The following FREM3 variants were observed in gnomAD, a reference collection of about 807,000 sequenced individuals.
FREM3 encodes the protein FRAS1-related extracellular matrix protein 3.
In FREM3, 105 loss-of-function variants were observed where a neutral mutation model predicts 129.1. That is an observed-to-expected ratio of 0.81 (90% CI 0.69 to 0.96). The LOEUF is 0.96. Ranked by LOEUF, FREM3 falls within the 40% of genes least tolerant of loss-of-function variation. The probability of loss-of-function intolerance (pLI) is 0.00; values close to 1 mark genes in which losing one functional copy is unlikely to be tolerated. For synonymous variants in FREM3, 1,014 were observed against 1,044.9 expected, an observed-to-expected ratio of 0.97 and a Z score of 0.57; for missense variants, 2,593 against 2,666.3, an observed-to-expected ratio of 0.97 and a Z score of 0.61.
intron 2 of FREM3, among the ~76,000 whole-genome samples, chr4:143,673,468 G>T (rs1429904115): frequency 3.3e-5 from 5 of 152,192 alleles, no homozygotes; most frequent in African/African-American, 1.2e-4. Context: ...GTCTCAGAGG[G>T]GTACCCGGCC....
intron 2 of FREM3, among the ~76,000 whole-genome samples, chr4:143,632,660 C>T (rs1413459584): frequency 6.6e-6 from 1 of 152,074 alleles, no homozygotes; most frequent in African/African-American, 2.4e-5. Flanking sequence ...CTTTTGAACT[C>T]CCTGTCCATA....
In FREM3 at chr4:143,627,604, A is replaced by C. The variant is rs1013742214; in HGVS notation, c.5422+10T>G. On this transcript the variant is annotated intron_variant, in intron 3 of 7. Coordinates refer to ENST00000329798, the MANE Select transcript of FREM3 (RefSeq NM_001168235.2). ...GACCTTTTACCAACAACCAATCCAA[A>C]GTTACTTACTGATAAATGATGTTTC... The C allele has an allele frequency of 6.5e-7, 1 of 1,534,056 alleles. No homozygotes were observed. The highest frequency in any genetic ancestry group is 8.7e-7 in the Non-Finnish European group (1 of 1,144,374).
chr4:143,640,298 A>G (rs1364299394), intron 2 of FREM3, among the ~76,000 whole-genome samples: 2 of 152,228 alleles, frequency 1.3e-5, no homozygotes, highest in Non-Finnish European at 1.5e-5. Flanking sequence ...CAGGGGCTTA[A>G]TCAATACCTG....
chr4:143,643,938 A>G (rs1189293401), intron 2 of FREM3, among the ~76,000 whole-genome samples: 1 of 152,244 alleles, frequency 6.6e-6, no homozygotes, highest in Non-Finnish European at 1.5e-5. Flanking sequence ...ATAAATATGT[A>G]CAAGTACAGC....
At chr4:143,592,469 G>A (rs554308120) in intron 6 of FREM3, among the ~76,000 whole-genome samples, 89 of 152,298 alleles carry the variant, frequency 5.8e-4, no homozygotes, top group African/African-American at 2.0e-3. Context: ...TTGCTTGTCT[G>A]TGAAGTATTT....
At chr4:143,652,475 T>TA (rs986586963) in intron 2 of FREM3, among the ~76,000 whole-genome samples, 2 of 151,786 alleles carry the variant, frequency 1.3e-5, no homozygotes, top group Admixed American at 6.6e-5. Flanking sequence ...TTTCCTTTCT[T>TA]AAAAAAAGAG....
At chr4:143,620,261 A>T (rs1374334996) in intron 5 of FREM3, among the ~76,000 whole-genome samples, 1 of 152,174 alleles carries the variant, frequency 6.6e-6, no homozygotes, top group Admixed American at 6.5e-5. Flanking sequence ...CAATCAGGAC[A>T]TACCTGATAC....
intron 2 of FREM3, among the ~76,000 whole-genome samples, chr4:143,634,993 T>C (rs146825040): frequency 6.6e-6 from 1 of 152,258 alleles, no homozygotes; most frequent in Admixed American, 6.5e-5. Flanking sequence ...AGATGATGCA[T>C]TAACAATTGT....
At chr4:143,641,764 T>C (rs780082434) in intron 2 of FREM3, among the ~76,000 whole-genome samples, 1 of 152,202 alleles carries the variant, frequency 6.6e-6, no homozygotes, top group Non-Finnish European at 1.5e-5. Context: ...AAGCTTCCAC[T>C]TAACTTACAC....
At chr4:143,598,284 T>A (rs1432753144) in intron 6 of FREM3, among the ~76,000 whole-genome samples, 1 of 152,198 alleles carries the variant, frequency 6.6e-6, no homozygotes, top group African/African-American at 2.4e-5. Flanking sequence ...AGCATTTATG[T>A]GTGGTCACAT....
intron 2 of FREM3, among the ~76,000 whole-genome samples, chr4:143,632,886 C>T (rs115991449): frequency 2.4e-4 from 36 of 152,266 alleles, no homozygotes; most frequent in Middle Eastern, 3.4e-3. Flanking sequence ...CAAAGCCATC[C>T]TGGGCTGCAT....
At chr4:143,612,248 C>T (rs1477203904) in intron 5 of FREM3, among the ~76,000 whole-genome samples, 2 of 152,176 alleles carry the variant, frequency 1.3e-5, no homozygotes, top group East Asian at 3.9e-4. Flanking sequence ...CATCTCCTTC[C>T]CTGTCTCCCA....
chr4:143,689,026 G>A (rs774252262), intron 2 of FREM3, among the ~76,000 whole-genome samples: 70 of 152,036 alleles, frequency 4.6e-4, no homozygotes, highest in Admixed American at 3.9e-3. Flanking sequence ...ATAAATAGCC[G>A]GGACCTAATT....
chr4:143,624,333 C>T lies in FREM3; in HGVS notation c.5428G>A (p.Gly1810Ser). The change falls in exon 4 of 8, where the codon GGT becomes AGT. Residue 1810 changes from glycine to serine, a missense_variant. Physicochemically the swap from Gly to Ser is moderately conservative, Grantham distance 56 (BLOSUM62 0). Transcript: ENST00000329798. ...YLGETSFISIGTKDETAKKDK... is the reference protein window; with the variant it reads ...YLGETSFISISTKDETAKKDK... ...TTTTTTGCAGTTTCATCTTTGGTAC[C>T]AATGCCTGAATAAAAATCAGAAAAC... 3 of 1,524,538 alleles carry T rather than the reference C, an allele frequency of 2.0e-6. No individual in the cohort carries two copies. Among genetic ancestry groups the T allele is most frequent in the Non-Finnish European group, 1.8e-6 (2 of 1,136,152 alleles). The allele number at this position is 1,524,538 out of a possible 1,614,324, so 94.4% of individuals were successfully genotyped here.
At chr4:143,624,048 C>T in intron 4 of FREM3, 60 bp downstream of exon 4, 1 of 961,914 alleles carries the variant, frequency 1.0e-6, no homozygotes, top group Non-Finnish European at 1.6e-6. Flanking sequence ...AGTATGAATG[C>T]TGGAAATGGA....
rs1738349448 is a variant in FREM3 at position 143,590,971 on chromosome 4, G to T, written c.6029-4978C>A. On this transcript the variant is annotated intron_variant, in intron 6 of 7. Transcript: ENST00000329798. ...TTCTTCCTGGTTTAGTCTTGGGAGAGTGTATATGTCGAGGAATTTATCCAT... is the reference window on the plus strand; with the variant it reads ...TTCTTCCTGGTTTAGTCTTGGGAGATTGTATATGTCGAGGAATTTATCCAT... Among the ~76,000 whole-genome samples the T allele has an allele frequency of 1.3e-5, 2 of 152,210 alleles. 1 individual carries two copies. The highest frequency in any genetic ancestry group is 3.9e-4 in the East Asian group (2 of 5,192).
chr4:143,627,848 C>G, intron 2 of FREM3, 88 bp from the exon 3 acceptor site: 1 of 823,506 alleles, frequency 1.2e-6, no homozygotes, highest in Non-Finnish European at 1.9e-6. Flanking sequence ...CTTCTGAAAC[C>G]AAGGGTTTCA....
intron 2 of FREM3, among the ~76,000 whole-genome samples, chr4:143,688,919 A>C (rs529430103): frequency 6.6e-6 from 1 of 152,338 alleles, no homozygotes; most frequent in Admixed American, 6.5e-5. Context: ...AAACTATAAA[A>C]ATTCTAGAAG....
chr4:143,602,856 A>G (rs1228351659), intron 6 of FREM3, among the ~76,000 whole-genome samples: 1 of 152,164 alleles, frequency 6.6e-6, no homozygotes, highest in East Asian at 1.9e-4. Flanking sequence ...AGAAGGAAAA[A>G]TGGGTTGCCT....
Sources: allele counts gnomAD v4.1 joint callset (sites outside exome capture counted in the v4.1 genomes callset), GRCh38; gene constraint gnomAD v4.1.1; transcripts MANE v1.5; gene names NCBI Gene and HGNC (gene_info 2026-07-23, HGNC 2026-07-21).